The following ZNF446 variants were observed in gnomAD, a reference collection of about 807,000 sequenced individuals.
The protein encoded by ZNF446 is zinc finger protein with KRAB and SCAN domains 20.
ZNF446 carries 42 observed loss-of-function variants against 34.0 expected under a neutral mutation model. The observed-to-expected ratio is 1.23, with a 90% CI of 0.96 to 1.60. ZNF446 has a LOEUF of 1.60. Among genes scored for constraint, ZNF446 ranks in the 40% most tolerant of loss-of-function variants. The pLI, the probability that ZNF446 is intolerant of heterozygous loss-of-function variation, is 0.00. For synonymous variants in ZNF446, 315 were observed against 251.0 expected (o/e 1.25, Z -2.41); for missense variants, 650 against 600.2 (o/e 1.08, Z -0.87).
chr19:58,483,398 A>G (rs1399356864), downstream of ZNF446: 2 of 152,228 alleles, frequency 1.3e-5, no homozygotes, highest in Non-Finnish European at 2.9e-5. Flanking sequence ...CTGAGGAATA[A>G]GAATCACTTG....
chr19:58,479,601 A>T (rs2053118522), intron 4 of ZNF446, 42 bp from the exon 5 acceptor site: 1 of 1,602,080 alleles, frequency 6.2e-7, no homozygotes. Context: ...CAGGGCAGGG[A>T]AGGGGTGGAA....
chr19:58,480,001 T>G lies in ZNF446; in HGVS notation c.784T>G (p.Cys262Gly). The G allele has an allele frequency of 6.3e-7, 1 of 1,585,788 alleles. No individual in the cohort carries two copies. Among genetic ancestry groups the G allele is most frequent in the South Asian group, 1.1e-5 (1 of 87,262 alleles). Residue 262 changes from cysteine (C) to glycine (G), a missense_variant, in exon 6 of 7, where the codon TGC (cysteine) becomes GGC (glycine). Cys to Gly is a radical substitution (Grantham distance 159). Coordinates refer to ENST00000594369, the MANE Select transcript of ZNF446 (RefSeq NM_017908.4). This position sits in a 1 kb window ranked among gnomAD's most constrained non-coding sequence, Gnocchi z 7.2. ...LGMLLTGTGV[C>G]RSLRSGNESE... ...GATGCTGCTCACGGGGACAGGCGTC[T>G]GCAGAAGCCTGCGCTCGGGTGAGTG...
chr19:58,477,999 C>A, intron 3 of ZNF446, 88 bp from the exon 4 acceptor site: 1 of 1,385,094 alleles, frequency 7.2e-7, no homozygotes, highest in Non-Finnish European at 9.9e-7. Flanking sequence ...TGGCTACGTG[C>A]CATGTCACAC....
rs772055082 is a variant in ZNF446 at position 58,477,410 on chromosome 19, G to A, written c.192G>A (p.Gln64=). The change falls in exon 2 of 7, where the codon CAG becomes CAA. Residue 64 remains glutamine (Q), a synonymous_variant. Coordinates refer to ENST00000594369, the MANE Select transcript of ZNF446 (RefSeq NM_017908.4). The part of the protein sequence containing the change: ...WLQPEAHSKE[Q]MLEMLVLEQF... ...AGCCTGAGGCACACTCCAAGGAGCA[G>A]ATGCTGGAGATGCTGGTGCTGGAGC... The A allele has an allele frequency of 1.9e-6, 3 of 1,613,368 alleles. No homozygotes were observed. Among genetic ancestry groups the A allele is most frequent in the East Asian group, 2.2e-5 (1 of 44,870 alleles).
At position 58,480,389 on chromosome 19, in the gene ZNF446, G is replaced by A. The variant is rs75510905; in HGVS notation, c.1016G>A (p.Arg339His). Reference sequence around the variant, plus strand: ...CCCTACACGTGCGAGCAGTGTGGCCGCGGCTTCGACTGGAAGTCAGTGTTC... The same window carrying A: ...CCCTACACGTGCGAGCAGTGTGGCCACGGCTTCGACTGGAAGTCAGTGTTC... ...RKPYTCEQCG[R>H]GFDWKSVFVI... The change falls in exon 7 of 7, where the codon CGC becomes CAC. Residue 339 changes from arginine to histidine, a missense_variant. Arg to His is a conservative substitution (Grantham distance 29, BLOSUM62 0). Coordinates refer to ENST00000594369, the MANE Select transcript of ZNF446 (RefSeq NM_017908.4). The surrounding 1 kb of genome is among the most constrained non-coding windows in gnomAD (Gnocchi z 7.2). 83 of 1,611,380 alleles carry A rather than the reference G, an allele frequency of 5.2e-5. No individual in the cohort carries two copies. In the African/African-American group the frequency reaches 6.0e-4, roughly 12 times the overall value.
rs2053086399 is a variant in ZNF446, at chr19:58,476,457, T to C, written c.-88T>C. On this transcript the variant is annotated 5_prime_UTR_variant, in exon 1 of 7. Coordinates refer to ENST00000594369, the MANE Select transcript of ZNF446 (RefSeq NM_017908.4). Reference sequence around the variant, plus strand: ...GGGGACAGATCCCGAAGTTCGAGCATCCCTCGGATAGGCCGGGTGTCAGGC... The same window carrying C: ...GGGGACAGATCCCGAAGTTCGAGCACCCCTCGGATAGGCCGGGTGTCAGGC... 2 of 152,258 alleles carry C rather than the reference T, an allele frequency of 1.3e-5. No individual in the cohort carries two copies. Among genetic ancestry groups the C allele is most frequent in the African/African-American group, 4.8e-5 (2 of 41,456 alleles). 9.4% of individuals were successfully genotyped at this position (152,258 alleles called of 1,614,324 possible).
downstream of ZNF446, among the ~76,000 whole-genome samples, chr19:58,485,559 A>G (rs2053164799): frequency 6.6e-6 from 1 of 152,160 alleles, no homozygotes; most frequent in African/African-American, 2.4e-5. Flanking sequence ...AACTAGGTCA[A>G]TCTAGGAACA....
At chr19:58,483,586 G>C (rs1303979922), downstream of ZNF446, 1 of 152,128 alleles carries the variant, frequency 6.6e-6, no homozygotes, top group African/African-American at 2.4e-5. Flanking sequence ...GGAGGTTAAG[G>C]CTGCAGTGAG....
chr19:58,481,535 C>T (rs900951953), downstream of ZNF446, among the ~76,000 whole-genome samples: 8 of 152,152 alleles, frequency 5.3e-5, no homozygotes, highest in African/African-American at 1.9e-4. Context: ...AGGGGTTGCG[C>T]CAAGGCCATG....
Position 58,481,219 on chromosome 19 carries a change from A to G in ZNF446, c.*493A>G, listed in dbSNP as rs1036192718. 1 of 157,642 alleles carries G rather than the reference A, an allele frequency of 6.3e-6. No individual in the cohort carries two copies. Among genetic ancestry groups the G allele is most frequent in the African/African-American group, 2.4e-5 (1 of 41,552 alleles). The allele number at this position is 157,642 out of a possible 1,614,324, so 9.8% of individuals were successfully genotyped here. A position where few individuals can be genotyped will look rare whatever the true frequency, so the allele number is the denominator to read the frequency against. ...GTGTTAGAATTTTAACATAAATTCC[A>G]CTTTCATAATATGGAGTTTCTGAAT... On this transcript the variant is annotated 3_prime_UTR_variant, in exon 7 of 7. Coordinates refer to ENST00000594369, the MANE Select transcript of ZNF446 (RefSeq NM_017908.4).
downstream of ZNF446, among the ~76,000 whole-genome samples, chr19:58,481,509 AAG>A (rs1436460195): frequency 6.6e-6 from 1 of 152,056 alleles, no homozygotes; most frequent in Non-Finnish European, 1.5e-5. Context: ...GACCTCTGAG[AAG>A]AGGGGCTGCA....
rs773580983 is a variant in ZNF446 at position 58,480,133 on chromosome 19, G to T, written c.803-43G>T. Reference sequence around the variant, plus strand: ...CCACGGCCACAAGCCTGAGGGAGGGGTTGCTGAGTGCCGGGACTCACCTGG... The same window carrying T: ...CCACGGCCACAAGCCTGAGGGAGGGTTTGCTGAGTGCCGGGACTCACCTGG... On this transcript the variant is annotated intron_variant, in intron 6 of 6. Coordinates refer to ENST00000594369, the MANE Select transcript of ZNF446 (RefSeq NM_017908.4). This position sits in a 1 kb window ranked among gnomAD's most constrained non-coding sequence, Gnocchi z 7.2. 1.9e-6 allele frequency: 3 copies of T among 1,574,372 alleles called. No homozygotes were observed. In the South Asian group the frequency reaches 3.4e-5, roughly 18 times the overall value.
chr19:58,479,682 T>TA lies in ZNF446; in HGVS notation c.668dup (p.Tyr223Ter), dbSNP rs1288458131. The change falls in exon 5 of 7, where the codon TAC (tyrosine) becomes TAAC (stop). Residue 223 changes from tyrosine (Y) to a stop codon, truncating the protein, a stop_gained and frameshift_variant. Coordinates refer to ENST00000594369, the MANE Select transcript of ZNF446 (RefSeq NM_017908.4). LOFTEE classifies it high-confidence loss of function. The part of the protein sequence containing the change: ...GLLDRSQKEL[Y>*]WDAMLEKYGT... Reference sequence around the variant, plus strand: ...GCTGGACCGGTCACAGAAGGAACTGTACTGGGATGCGATGCTGGAGAAGTA... The same window carrying TA: ...GCTGGACCGGTCACAGAAGGAACTGTAACTGGGATGCGATGCTGGAGAAGTA... 3.7e-6 allele frequency: 6 copies of TA among 1,613,810 alleles called. No individual in the cohort carries two copies. The Admixed American group carries it at 5.0e-5, about 13-fold the overall frequency.
intron 3 of ZNF446, 47 bp downstream of exon 3, chr19:58,477,873 T>G (rs2053103265): frequency 6.8e-7 from 1 of 1,472,380 alleles, no homozygotes; most frequent in African/African-American, 1.4e-5. Context: ...GGAGGAAGTG[T>G]GGACATTCCT....
At chr19:58,487,055 T>C in the ZNF446 span, among the ~76,000 whole-genome samples, 1 of 152,096 alleles carries the variant, frequency 6.6e-6, no homozygotes, top group Admixed American at 6.5e-5. Context: ...CCTCCCAAAG[T>C]GCTGGGATTA....
In ZNF446 at chr19:58,478,158, T is replaced by A. The variant is rs1210202132; in HGVS notation, c.604T>A (p.Ser202Thr). 6.2e-7 allele frequency: 1 copy of A among 1,613,918 alleles called. No homozygotes were observed. The highest frequency in any genetic ancestry group is 1.3e-5 in the African/African-American group (1 of 74,998). The change falls in exon 4 of 7, where the codon TCC becomes ACC. Residue 202 changes from serine to threonine, a missense_variant. By Grantham distance (58) the Ser-to-Thr change is moderately conservative (BLOSUM62 1). Transcript: ENST00000594369. ...TGGACACCAAGAACCAGCCTCCACA[T>A]CCTTCCACCCACCCAGGATTCAGGT... Reference protein sequence around the residue: ...NHGHQEPASTSFHPPRIQEEW... With the variant: ...NHGHQEPASTTFHPPRIQEEW...
Position 58,480,473 on chromosome 19 carries a change from C to G in ZNF446, c.1100C>G (p.Thr367Ser). The G allele has an allele frequency of 6.2e-7, 1 of 1,612,926 alleles. No individual in the cohort carries two copies. Among genetic ancestry groups the G allele is most frequent in the Non-Finnish European group, 8.5e-7 (1 of 1,179,956 alleles). Reference protein sequence around the residue: ...GPGVQSPGLATGESTEKPPQG... With the variant: ...GPGVQSPGLASGESTEKPPQG... The stretch of plus-strand genomic sequence containing the variant: ...GGTGTGCAGTCCCCGGGGCTAGCCA[C>G]CGGGGAAAGCACAGAGAAGCCACCA... The change falls in exon 7 of 7, where the codon ACC (threonine) becomes AGC (serine). Residue 367 changes from threonine (T) to serine (S), a missense_variant. Transcript: ENST00000594369. This position sits in a 1 kb window ranked among gnomAD's most constrained non-coding sequence, Gnocchi z 7.2.
At chr19:58,479,027 G>A (rs2053114181) in intron 4 of ZNF446, among the ~76,000 whole-genome samples, 1 of 152,190 alleles carries the variant, frequency 6.6e-6, no homozygotes, top group African/African-American at 2.4e-5. Flanking sequence ...GGGTAGCAAG[G>A]TCTTTTCCTC....
intron 1 of ZNF446, 97 bp from the exon 2 acceptor site, chr19:58,477,082 A>C: frequency 1.4e-6 from 1 of 735,496 alleles, no homozygotes; most frequent in South Asian, 1.8e-5. Context: ...CTCAGAGTAC[A>C]CTTGGTCCTG....
Sources: allele counts gnomAD v4.1 joint callset (sites outside exome capture counted in the v4.1 genomes callset), GRCh38; gene constraint gnomAD v4.1.1; non-coding constraint Gnocchi (gnomAD v3.1); transcripts MANE v1.5; gene names NCBI Gene and HGNC (gene_info 2026-07-23, HGNC 2026-07-21).